The following TMEM245 variants were observed in gnomAD, a reference collection of about 807,000 sequenced individuals.
The protein encoded by TMEM245 is protein CG-2.
A neutral mutation model predicts 101.2 loss-of-function variants in TMEM245; 69 were observed. The observed-to-expected ratio is 0.68, with a 90% CI of 0.56 to 0.83. The LOEUF (loss-of-function observed/expected upper bound fraction) is 0.83. Ranked by LOEUF, TMEM245 falls within the 40% of genes least tolerant of loss-of-function variation. The probability of loss-of-function intolerance (pLI) is 0.00; values close to 1 mark genes in which losing one functional copy is unlikely to be tolerated. For synonymous variants in TMEM245, 537 were observed against 449.8 expected, an observed-to-expected ratio of 1.19 and a Z score of -2.45; for missense variants, 1,075 against 1,092.8, an observed-to-expected ratio of 0.98 and a Z score of 0.23.
intron 1 of TMEM245, among the ~76,000 whole-genome samples, chr9:109,113,281 G>T (rs1388379414): frequency 2.0e-5 from 3 of 152,164 alleles, no homozygotes; most frequent in Non-Finnish European, 4.4e-5. Context: ...GACCTCTTAG[G>T]AGTTTTTTAA....
intron 16 of TMEM245, among the ~76,000 whole-genome samples, chr9:109,034,177 A>C (rs139076365): frequency 4.9e-4 from 74 of 152,340 alleles, no homozygotes; most frequent in African/African-American, 1.7e-3. Flanking sequence ...CTGACATCAG[A>C]AGGACTGGGA....
chr9:109,106,684 A>G, intron 2 of TMEM245, 75 bp from the exon 3 acceptor site: 2 of 1,087,726 alleles, frequency 1.8e-6, no homozygotes. Flanking sequence ...TCAGTTTTGT[A>G]GTTTGACAGA....
intron 15 of TMEM245, among the ~76,000 whole-genome samples, chr9:109,036,606 C>A (rs758623109): frequency 7.2e-5 from 11 of 152,102 alleles, no homozygotes; most frequent in Admixed American, 2.6e-4. Context: ...AAGTGTGTGT[C>A]TTATTTATGG....
rs537479692 is a variant in TMEM245, at chr9:109,067,447, T to C, written c.1533-2880A>G. Among the ~76,000 whole-genome samples the C allele has an allele frequency of 7.2e-5, 11 of 152,314 alleles. No individual in the cohort carries two copies. In the East Asian group the frequency reaches 2.1e-3, roughly 29 times the overall value. On this transcript the variant is annotated intron_variant, in intron 9 of 17. Coordinates refer to ENST00000374586, the MANE Select transcript of TMEM245 (RefSeq NM_032012.4). ...GAAACCAATGCCCTACAGTTTAGAC[T>C]GGTCTGCCTTCACCTTCCTGGGTAA...
chr9:109,108,574 A>G lies in TMEM245; in HGVS notation c.580-4T>C. 6.3e-7 allele frequency: 1 copy of G among 1,580,054 alleles called. No homozygotes were observed. Among genetic ancestry groups the G allele is most frequent in the South Asian group, 1.2e-5 (1 of 85,212 alleles). ...AGCCAACCACCAACGTCCAGATCTT[A>G]AATAAATGAAAGACACAGCTGTAAA... On this transcript the variant is annotated splice_region_variant and splice_polypyrimidine_tract_variant and intron_variant, in intron 1 of 17. Transcript: ENST00000374586.
At chr9:109,031,950 G>GT (rs1229137619) in intron 17 of TMEM245, among the ~76,000 whole-genome samples, 6 of 152,082 alleles carry the variant, frequency 3.9e-5, no homozygotes, top group African/African-American at 1.4e-4. Context: ...TCCCAACTTT[G>GT]TATTTTAAAA....
chr9:109,119,780 C>T lies in TMEM245; in HGVS notation c.134G>A (p.Arg45His), dbSNP rs752369432. The change falls in exon 1 of 18, where the codon CGC becomes CAC. Residue 45 changes from arginine to histidine, a missense_variant. Arg to His is a conservative substitution (Grantham distance 29, BLOSUM62 0). This residue lies in a region of TMEM245 where 808 missense variants were observed against 741.5 expected (regional missense o/e 1.09). Coordinates refer to ENST00000374586, the MANE Select transcript of TMEM245 (RefSeq NM_032012.4). ...ETPRTAALALRFDKPIKQAFY... is the reference protein window; with the variant it reads ...ETPRTAALALHFDKPIKQAFY... Reference sequence around the variant, plus strand: ...GGCCTGCTTAATGGGCTTGTCGAAGCGCAGCGCCAGCGCCGCGGTCCGCGG... The same window carrying T: ...GGCCTGCTTAATGGGCTTGTCGAAGTGCAGCGCCAGCGCCGCGGTCCGCGG... The T allele has an allele frequency of 4.0e-6, 6 of 1,481,700 alleles. No individual in the cohort carries two copies. The highest frequency in any genetic ancestry group is 5.4e-6 in the Non-Finnish European group (6 of 1,119,660). 91.8% of individuals were successfully genotyped at this position (1,481,700 alleles called of 1,614,324 possible).
At chr9:109,107,801 C>A (rs138460595) in intron 2 of TMEM245, among the ~76,000 whole-genome samples, 2 of 152,276 alleles carry the variant, frequency 1.3e-5, no homozygotes, top group Middle Eastern at 3.4e-3. Context: ...ATAAGTACCA[C>A]GCTGAAAAAT....
At position 109,038,005 on chromosome 9, in the gene TMEM245, T is replaced by C. The variant is rs751405572; in HGVS notation, c.2224+12A>G. 1 of 1,583,722 alleles carries C rather than the reference T, an allele frequency of 6.3e-7. No homozygotes were observed. The highest frequency in any genetic ancestry group is 8.6e-7 in the Non-Finnish European group (1 of 1,158,652). On this transcript the variant is annotated intron_variant, in intron 15 of 17. Transcript: ENST00000374586. The stretch of plus-strand genomic sequence containing the variant: ...AAATAGCGAATAGTGGAAGGTACAA[T>C]ATGGTTGTTACCTGATGGTATGAAG...
intron 11 of TMEM245, among the ~76,000 whole-genome samples, chr9:109,058,116 T>C (rs1018698693): frequency 1.3e-5 from 2 of 151,244 alleles, no homozygotes; most frequent in Non-Finnish European, 2.9e-5. Flanking sequence ...TTCTCCTGCC[T>C]CAGCCTCCCG....
chr9:109,085,560 C>T (rs573927488), intron 7 of TMEM245, among the ~76,000 whole-genome samples: 42 of 152,146 alleles, frequency 2.8e-4, no homozygotes, highest in Non-Finnish European at 5.0e-4. Context: ...GCCAAGGAAA[C>T]CATACAAATA....
intron 11 of TMEM245, among the ~76,000 whole-genome samples, chr9:109,057,592 A>G (rs1483405896): frequency 6.6e-6 from 1 of 152,056 alleles, no homozygotes; most frequent in Admixed American, 6.6e-5. Flanking sequence ...CTCTACTAAA[A>G]ATACAAAAAT....
At chr9:109,032,876 G>A (rs1385519156) in intron 17 of TMEM245, among the ~76,000 whole-genome samples, 2 of 138,862 alleles carry the variant, frequency 1.4e-5, no homozygotes, top group African/African-American at 5.5e-5. Context: ...TGGGCTCACT[G>A]CAGCCTCCGC....
At chr9:109,095,963 C>T (rs1318651210) in intron 3 of TMEM245, among the ~76,000 whole-genome samples, 15 of 152,130 alleles carry the variant, frequency 9.9e-5, no homozygotes, top group Admixed American at 9.8e-4. Context: ...GACATGATGC[C>T]AGTGTGGTCT....
At chr9:109,116,020 C>G (rs954291392) in intron 1 of TMEM245, among the ~76,000 whole-genome samples, 8 of 152,192 alleles carry the variant, frequency 5.3e-5, no homozygotes, top group South Asian at 4.1e-4. Flanking sequence ...TCCCTCCTAG[C>G]TCATAAGACA....
intron 12 of TMEM245, among the ~76,000 whole-genome samples, chr9:109,054,140 G>A (rs1163255868): frequency 2.0e-5 from 3 of 152,092 alleles, no homozygotes; most frequent in Non-Finnish European, 2.9e-5. Flanking sequence ...AGACCAGCCC[G>A]TGCAACATAG....
chr9:109,094,121 CT>C (rs1830077559), intron 3 of TMEM245, among the ~76,000 whole-genome samples: 1 of 152,160 alleles, frequency 6.6e-6, no homozygotes, highest in Non-Finnish European at 1.5e-5. Flanking sequence ...ACTTGAAAAT[CT>C]AAAGGAACAT....
chr9:109,061,846 G>A (rs999142549), intron 10 of TMEM245, among the ~76,000 whole-genome samples: 1 of 152,126 alleles, frequency 6.6e-6, no homozygotes, highest in African/African-American at 2.4e-5. Context: ...TGGGATTACA[G>A]GCATGAGCCA....
At chr9:109,112,770 A>G (rs1830600070) in intron 1 of TMEM245, among the ~76,000 whole-genome samples, 1 of 152,110 alleles carries the variant, frequency 6.6e-6, no homozygotes, top group South Asian at 2.1e-4. Flanking sequence ...AATAGTGGGA[A>G]TAGTGGTAGA....
Sources: gnomAD v4.1 joint callset for allele counts (sites outside exome capture counted in the v4.1 genomes callset) on GRCh38, gnomAD v4.1.1 for gene constraint, gnomAD v4.1.1 regional missense constraint, MANE v1.5 for transcripts, NCBI Gene and HGNC (gene_info 2026-07-23, HGNC 2026-07-21) for gene names.